Variants in GABRB3 observed in about 807,000 individuals in gnomAD.
GABRB3 encodes gamma-aminobutyric acid type A receptor subunit beta3.
In GABRB3, 14 loss-of-function variants were observed where a neutral mutation model predicts 52.1. That is an observed-to-expected ratio of 0.27 (90% confidence interval 0.18 to 0.42). The LOEUF (loss-of-function observed/expected upper bound fraction) is 0.42. Ranked by LOEUF, GABRB3 falls within the 10% of genes least tolerant of loss-of-function variation. The pLI is 1.00. For synonymous variants in GABRB3, 260 were observed against 232.3 expected, an observed-to-expected ratio of 1.12 and a Z score of -1.08; for missense variants, 307 against 609.1, an observed-to-expected ratio of 0.50 and a Z score of 5.22.
chr15:26,629,094 G>A (rs146994729), intron 3 of GABRB3: 2 of 1,535,620 alleles, frequency 1.3e-6, no homozygotes, highest in Admixed American at 2.0e-5. Flanking sequence ...TGTGACTGTC[G>A]CTTCCTCTCC....
intron 3 of GABRB3, among the ~76,000 whole-genome samples, chr15:26,758,393 A>T (rs1354406193): frequency 8.7e-6 from 1 of 115,274 alleles, no homozygotes; most frequent in Non-Finnish European, 2.0e-5. Context: ...ATGTTGGAGA[A>T]GAGAATTTTC....
chr15:26,669,600 C>T (rs1406854952), intron 3 of GABRB3, among the ~76,000 whole-genome samples: 3 of 152,060 alleles, frequency 2.0e-5, no homozygotes, highest in Non-Finnish European at 4.4e-5. Flanking sequence ...CCAAGACTCA[C>T]TCTGTCTCTC....
rs1348288306 is a variant in GABRB3, at chr15:26,554,207, A to ATATATATATATATT, written c.1081-6074_1081-6073insAATATATATATATA. On this transcript the variant is annotated intron_variant, in intron 8 of 8. Transcript: ENST00000311550. Reference sequence around the variant, plus strand: ...ATATATATACTATATATATATATATATAGTAGAAACAAGGTCTCTCTTTGT... The same window carrying ATATATATATATATT: ...ATATATATACTATATATATATATATATATATATATATATTTAGTAGAAACAAGGTCTCTCTTTGT... Among the ~76,000 whole-genome samples the ATATATATATATATT allele has an allele frequency of 1.4e-3, 81 of 57,822 alleles. 12 individuals carry two copies. The highest frequency in any genetic ancestry group is 2.2e-3 in the Non-Finnish European group (52 of 24,134). 37.9% of individuals were successfully genotyped at this position (57,822 alleles called of 152,430 possible). A position where few individuals can be genotyped will look rare whatever the true frequency, so the allele number is the denominator to read the frequency against.
intron 3 of GABRB3, among the ~76,000 whole-genome samples, chr15:26,680,992 G>C (rs1384930515): frequency 6.6e-6 from 1 of 152,224 alleles, no homozygotes; most frequent in African/African-American, 2.4e-5. Flanking sequence ...CATTTTGTAA[G>C]ATTAACCCTC....
chr15:26,690,090 A>C (rs1888538315), intron 3 of GABRB3, among the ~76,000 whole-genome samples: 1 of 148,254 alleles, frequency 6.7e-6, no homozygotes, highest in Non-Finnish European at 1.5e-5. Flanking sequence ...AATCTGGAGA[A>C]TGAGAAGGTA....
At chr15:26,562,930 C>T (rs1320664577) in intron 7 of GABRB3, among the ~76,000 whole-genome samples, 1 of 152,178 alleles carries the variant, frequency 6.6e-6, no homozygotes, top group African/African-American at 2.4e-5. Context: ...CTTTTAACAT[C>T]ACATTCATGT....
chr15:26,581,559 A>G (rs563780932), intron 5 of GABRB3, among the ~76,000 whole-genome samples: 2 of 152,222 alleles, frequency 1.3e-5, no homozygotes, highest in Non-Finnish European at 2.9e-5. Flanking sequence ...AAGAACCTAC[A>G]GGCCTGACCC....
chr15:26,565,474 C>T (rs926952316), intron 7 of GABRB3, among the ~76,000 whole-genome samples: 1 of 152,130 alleles, frequency 6.6e-6, no homozygotes, highest in African/African-American at 2.4e-5. Context: ...AGAGCACAAG[C>T]GTCAATCCTC....
At chr15:26,727,630 A>C (rs1889807924) in intron 3 of GABRB3, among the ~76,000 whole-genome samples, 1 of 152,122 alleles carries the variant, frequency 6.6e-6, no homozygotes, top group Admixed American at 6.5e-5. Flanking sequence ...GGATATTAGA[A>C]ACCAAGATCA....
chr15:26,625,450 T>A (rs1035368059), intron 3 of GABRB3: 2 of 984,184 alleles, frequency 2.0e-6, no homozygotes, highest in African/African-American at 1.7e-5. Context: ...TGATGTGGCA[T>A]GAACCAAAGA....
upstream of GABRB3, chr15:26,773,625 C>G: frequency 6.5e-7 from 1 of 1,547,432 alleles, no homozygotes; most frequent in Admixed American, 2.0e-5. Flanking sequence ...CTGCAGAACG[C>G]CGGGAAGCCC....
chr15:26,674,066 C>T (rs1019306470), intron 3 of GABRB3, among the ~76,000 whole-genome samples: 2 of 145,680 alleles, frequency 1.4e-5, no homozygotes, highest in Admixed American at 1.4e-4. Context: ...TAACCCCCCC[C>T]TTTTTTTTTT....
chr15:26,568,500 CTT>C (rs11419760), intron 6 of GABRB3, among the ~76,000 whole-genome samples: 5 of 137,702 alleles, frequency 3.6e-5, no homozygotes, highest in African/African-American at 1.1e-4. Context: ...GTTTTCCTTT[CTT>C]TTTTTTTTTT....
At chr15:26,756,959 G>T in intron 3 of GABRB3, among the ~76,000 whole-genome samples, 1 of 152,290 alleles carries the variant, frequency 6.6e-6, no homozygotes, top group East Asian at 1.9e-4. Context: ...CCACCAGAAG[G>T]ATGATGGTAG....
chr15:26,687,013 C>T (rs1888428790), intron 3 of GABRB3, among the ~76,000 whole-genome samples: 1 of 152,246 alleles, frequency 6.6e-6, no homozygotes, highest in South Asian at 2.1e-4. Flanking sequence ...CACCATGGGG[C>T]TCCATGCCAA....
chr15:26,643,267 T>G (rs572603783), intron 3 of GABRB3, among the ~76,000 whole-genome samples: 4 of 152,238 alleles, frequency 2.6e-5, no homozygotes, highest in South Asian at 4.2e-4. Context: ...GGCGGCCAGG[T>G]GCCTGACTGC....
At chr15:26,716,000 C>G (rs1218936385) in intron 3 of GABRB3, among the ~76,000 whole-genome samples, 1 of 152,150 alleles carries the variant, frequency 6.6e-6, no homozygotes, top group Non-Finnish European at 1.5e-5. Context: ...GAACACAGTG[C>G]TGGTTTTCAA....
At chr15:26,595,496 T>A (rs1181912757) in intron 4 of GABRB3, among the ~76,000 whole-genome samples, 1 of 152,192 alleles carries the variant, frequency 6.6e-6, no homozygotes, top group Non-Finnish European at 1.5e-5. Flanking sequence ...GGCATTTGAC[T>A]GGTTACTGTG....
chr15:26,642,828 A>G (rs1435529408), intron 3 of GABRB3, among the ~76,000 whole-genome samples: 3 of 152,136 alleles, frequency 2.0e-5, no homozygotes, highest in Non-Finnish European at 2.9e-5. Flanking sequence ...ATCATTTTCT[A>G]TTAATTTATT....
Sources: allele counts gnomAD v4.1 joint callset (sites outside exome capture counted in the v4.1 genomes callset), GRCh38; gene constraint gnomAD v4.1.1; transcripts MANE v1.5; gene names NCBI Gene and HGNC (gene_info 2026-07-23, HGNC 2026-07-21).